Variants in ATG10 observed in about 807,000 individuals in gnomAD.
ATG10 encodes the protein autophagy related 10.
Under a neutral mutation model 32.1 loss-of-function variants are expected in ATG10, and 30 were observed. The observed-to-expected ratio is 0.94, with a 90% CI of 0.70 to 1.27. ATG10 has a LOEUF of 1.27. Ranked by LOEUF, ATG10 falls within the 50% of genes most tolerant of loss-of-function variation. The pLI is 0.00. For synonymous variants in ATG10, 87 were observed against 91.5 expected, an observed-to-expected ratio of 0.95 and a Z score of 0.28; for missense variants, 233 against 262.3, an observed-to-expected ratio of 0.89 and a Z score of 0.77.
At chr5:81,978,805 G>A (rs529158050) in intron 1 of ATG10, among the ~76,000 whole-genome samples, 1 of 152,130 alleles carries the variant, frequency 6.6e-6, no homozygotes, top group South Asian at 2.1e-4. Context: ...ATCAGTTTGT[G>A]TAAGAAAGGT....
intron 3 of ATG10, among the ~76,000 whole-genome samples, chr5:82,124,064 T>C (rs1196501440): frequency 4.0e-5 from 6 of 150,648 alleles, no homozygotes; most frequent in East Asian, 1.9e-4. Flanking sequence ...TTTCCACTTA[T>C]ATTCCATGGA....
At chr5:81,985,486 T>G (rs1320765440) in intron 1 of ATG10, among the ~76,000 whole-genome samples, 1 of 152,174 alleles carries the variant, frequency 6.6e-6, no homozygotes, top group Non-Finnish European at 1.5e-5. Context: ...CTAGACCCCT[T>G]TACTTGGACA....
At chr5:82,215,406 T>C (rs1745638142) in intron 5 of ATG10, among the ~76,000 whole-genome samples, 1 of 152,186 alleles carries the variant, frequency 6.6e-6, no homozygotes, top group Non-Finnish European at 1.5e-5. Flanking sequence ...AGCAAGACAG[T>C]AGATCCAGCC....
chr5:81,973,065 G>A (rs1008188294), intron 1 of ATG10: 1 of 152,082 alleles, frequency 6.6e-6, no homozygotes, highest in Non-Finnish European at 1.5e-5. Context: ...ATTTCTGAGT[G>A]GGAGAGAAAA....
At position 82,207,084 on chromosome 5, in the gene ATG10, C is replaced by T. The variant is rs537843460; in HGVS notation, c.453+28497C>T. On this transcript the variant is annotated intron_variant, in intron 5 of 7. Coordinates refer to ENST00000282185, the MANE Select transcript of ATG10 (RefSeq NM_031482.5). Reference sequence around the variant, plus strand: ...TTCTACTATTAATGGCCATGTGGTTCCCCCTGCCCCAGGTTTTGACTGTGA... The same window carrying T: ...TTCTACTATTAATGGCCATGTGGTTTCCCCTGCCCCAGGTTTTGACTGTGA... Among the ~76,000 whole-genome samples the T allele has an allele frequency of 2.2e-4, 34 of 152,204 alleles. No individual in the cohort carries two copies. The East Asian group carries it at 4.4e-3, about 20-fold the overall frequency.
At chr5:82,033,202 A>T (rs956849759) in intron 2 of ATG10, among the ~76,000 whole-genome samples, 1 of 152,216 alleles carries the variant, frequency 6.6e-6, no homozygotes, top group Admixed American at 6.5e-5. Flanking sequence ...TTTAATAAAT[A>T]TCAATGCAAT....
At chr5:82,185,861 C>T (rs1297780058) in intron 5 of ATG10, among the ~76,000 whole-genome samples, 1 of 151,724 alleles carries the variant, frequency 6.6e-6, no homozygotes, top group Non-Finnish European at 1.5e-5. Context: ...CTTCTGAACT[C>T]AGTCTCCCTG....
chr5:82,157,918 A>G (rs1767871393), intron 3 of ATG10, among the ~76,000 whole-genome samples: 1 of 152,224 alleles, frequency 6.6e-6, no homozygotes, highest in South Asian at 2.1e-4. Context: ...TTATGAATAA[A>G]GCTCATTACT....
intron 3 of ATG10, among the ~76,000 whole-genome samples, chr5:82,087,755 C>T (rs1764739385): frequency 6.6e-6 from 1 of 152,020 alleles, no homozygotes; most frequent in Non-Finnish European, 1.5e-5. Context: ...TAGAGTGGTA[C>T]AGGGCTGATA....
chr5:82,187,608 C>T (rs1481672971), intron 5 of ATG10, among the ~76,000 whole-genome samples: 2 of 150,310 alleles, frequency 1.3e-5, no homozygotes. Flanking sequence ...AACTGTGTTT[C>T]GCTCTTGTTG....
In ATG10 at chr5:82,041,757, G is replaced by A. The variant is rs1194520886; in HGVS notation, c.109-16738G>A. Among the ~76,000 whole-genome samples the A allele has an allele frequency of 4.6e-5, 7 of 151,764 alleles. No homozygotes were observed. The East Asian group carries it at 1.2e-3, about 25-fold the overall frequency. ...AGAACTCCAATTACATGTTTTTTTA[G>A]GCCACTTATGTCTCACAGCTCACTA... On this transcript the variant is annotated intron_variant, in intron 2 of 7. Transcript: ENST00000282185.
chr5:82,076,154 T>C (rs1018915412), intron 3 of ATG10, among the ~76,000 whole-genome samples: 3 of 152,216 alleles, frequency 2.0e-5, no homozygotes, highest in Non-Finnish European at 4.4e-5. Context: ...TCAACAAACA[T>C]GTTTTTGGCT....
rs1262720517 is a variant in ATG10 at position 82,178,530 on chromosome 5, T to G, written c.396T>G (p.Val132=). ...PLTLKDIWEG[V]HECYKMRLLQ... is the part of the protein sequence containing the mutation. ...CTCTGAAGGACATATGGGAAGGAGT[T>G]CATGAGTGCTATAAGATGCGACTGC... The change falls in exon 5 of 8, where the codon GTT becomes GTG. Residue 132 remains valine, a synonymous_variant. Transcript: ENST00000282185. The G allele has an allele frequency of 6.2e-7, 1 of 1,612,336 alleles. No homozygotes were observed. The highest frequency in any genetic ancestry group is 8.5e-7 in the Non-Finnish European group (1 of 1,178,762).
rs186117992 is a variant in ATG10, at chr5:82,122,369, G to A, written c.217-42030G>A. ...TCGTATACAAAAATCGACTCACGGT[G>A]GATTAGAGACTTAAATGTGAAACCC... On this transcript the variant is annotated intron_variant, in intron 3 of 7. Transcript: ENST00000282185. 2.3e-3 allele frequency among the ~76,000 whole-genome samples: 357 copies of A among 152,108 alleles called. 2 individuals are homozygous for A. Among genetic ancestry groups the A allele is most frequent in the Non-Finnish European group, 4.1e-3 (280 of 67,988 alleles).
At chr5:82,138,370 G>A (rs1407117785) in intron 3 of ATG10, among the ~76,000 whole-genome samples, 1 of 152,214 alleles carries the variant, frequency 6.6e-6, no homozygotes, top group African/African-American at 2.4e-5. Context: ...GCACTCAAGC[G>A]AGTCTCCTGG....
intron 2 of ATG10, among the ~76,000 whole-genome samples, chr5:82,033,404 C>G (rs1467804256): frequency 6.7e-6 from 1 of 150,054 alleles, no homozygotes; most frequent in Non-Finnish European, 1.5e-5. Context: ...GTGGCACGAT[C>G]TCGGTTCACT....
intron 3 of ATG10, among the ~76,000 whole-genome samples, chr5:82,068,387 A>G (rs10473853): frequency 0.98 from 149,489 of 152,000 alleles, 73,547 homozygotes; most frequent in Middle Eastern, 1. Context: ...ATAACACACC[A>G]GGGCCTGTCA....
chr5:82,160,527 TG>T (rs1361341320), intron 3 of ATG10, among the ~76,000 whole-genome samples: 2 of 152,174 alleles, frequency 1.3e-5, no homozygotes. Context: ...CGAGTGCAGT[TG>T]GTCGGTTGTG....
intron 5 of ATG10, among the ~76,000 whole-genome samples, chr5:82,195,226 C>A (rs940125265): frequency 1.3e-5 from 2 of 152,148 alleles, no homozygotes; most frequent in African/African-American, 4.8e-5. Context: ...GAAAAAAATT[C>A]CTCCTGTCTT....
Sources: gnomAD v4.1 joint callset for allele counts (sites outside exome capture counted in the v4.1 genomes callset) on GRCh38, gnomAD v4.1.1 for gene constraint, MANE v1.5 for transcripts, NCBI Gene and HGNC (gene_info 2026-07-23, HGNC 2026-07-21) for gene names.